The following TCTN1 variants were observed in gnomAD, a reference collection of about 807,000 sequenced individuals.
The protein encoded by TCTN1 is tectonic family member 1.
TCTN1 carries 58 observed loss-of-function variants against 65.8 expected under a neutral mutation model. That is an observed-to-expected ratio of 0.88 (90% CI 0.71 to 1.10). The LOEUF (loss-of-function observed/expected upper bound fraction) is 1.10. Ranked by LOEUF, TCTN1 falls within the 50% of genes least tolerant of loss-of-function variation. The probability of loss-of-function intolerance (pLI) is 0.00; values close to 1 mark genes in which losing one functional copy is unlikely to be tolerated. For synonymous variants in TCTN1, 273 were observed against 289.1 expected (o/e 0.94, Z 0.57); for missense variants, 645 against 719.4 (o/e 0.90, Z 1.18).
intron 1 of TCTN1, among the ~76,000 whole-genome samples, chr12:110,618,073 CTTTT>C (rs1177692303): frequency 2.2e-5 from 3 of 134,924 alleles, no homozygotes; most frequent in Admixed American, 7.4e-5. Flanking sequence ...GGCTTGAGAT[CTTTT>C]TTTTTTTTTT....
At position 110,634,521 on chromosome 12, in the gene TCTN1, A is replaced by C; in HGVS notation, c.713-149A>C. 4.3e-6 allele frequency: 3 copies of C among 702,856 alleles called. No individual in the cohort carries two copies. The South Asian group carries it at 5.0e-5, about 12-fold the overall frequency. 43.5% of individuals were successfully genotyped at this position (702,856 alleles called of 1,614,324 possible). Reference sequence around the variant, plus strand: ...GTGAAACCTTGTCTCTACTAAAAAAACAAAACAAACAACAACAAAATTGTA... The same window carrying C: ...GTGAAACCTTGTCTCTACTAAAAAACCAAAACAAACAACAACAAAATTGTA... On this transcript the variant is annotated intron_variant, in intron 5 of 14. Coordinates refer to ENST00000397659, the MANE Select transcript of TCTN1 (RefSeq NM_001082538.3).
Position 110,637,162 on chromosome 12 carries a change from C to T in TCTN1, c.843+661C>T, listed in dbSNP as rs370313566. Among the ~76,000 whole-genome samples, 7 of 152,336 alleles carry T rather than the reference C, an allele frequency of 4.6e-5. 1 individual carries two copies. The highest frequency in any genetic ancestry group is 1.7e-4 in the African/African-American group (7 of 41,586). ...TTCCCACCCTGTGGAACTGGCCAGCCTAGGTTCAAACCTCAGCTTTGCCAT... is the reference window on the plus strand; with the variant it reads ...TTCCCACCCTGTGGAACTGGCCAGCTTAGGTTCAAACCTCAGCTTTGCCAT... On this transcript the variant is annotated intron_variant, in intron 7 of 14. Transcript: ENST00000397659.
Position 110,647,256 on chromosome 12 carries a change from A to G in TCTN1, c.1555A>G (p.Thr519Ala). 6.2e-7 allele frequency: 1 copy of G among 1,614,186 alleles called. No individual in the cohort carries two copies. Among genetic ancestry groups the G allele is most frequent in the Non-Finnish European group, 8.5e-7 (1 of 1,180,028 alleles). Residue 519 changes from threonine to alanine, a missense_variant, in exon 13 of 15, where the codon ACT (threonine) becomes GCT (alanine). Thr to Ala is a moderately conservative substitution (Grantham distance 58). Transcript: ENST00000397659. ...GGCTTTGGTTATAGAAGTGAAGTGG[A>G]CTAAATACGGATCCCTGCTGAATCC... Reference protein sequence around the residue: ...PGALVIEVKWTKYGSLLNPQA... With the variant: ...PGALVIEVKWAKYGSLLNPQA...
At chr12:110,636,366 T>G in intron 6 of TCTN1, 115 bp from the exon 7 acceptor site, 1 of 717,814 alleles carries the variant, frequency 1.4e-6, no homozygotes, top group Non-Finnish European at 2.4e-6. Flanking sequence ...TGTTTTCTTC[T>G]TTGTGAAGCC....
chr12:110,645,376 A>G (rs537312149), intron 12 of TCTN1: 5 of 521,080 alleles, frequency 9.6e-6, no homozygotes, highest in Admixed American at 9.4e-5. Context: ...GAATGGCCTC[A>G]TGGGGCATTG....
At chr12:110,618,621 C>G (rs183514061) in intron 1 of TCTN1, among the ~76,000 whole-genome samples, 1 of 151,898 alleles carries the variant, frequency 6.6e-6, no homozygotes, top group South Asian at 2.1e-4. Flanking sequence ...GTGATCTGCC[C>G]GCCTCCCAAA....
At chr12:110,637,846 C>T (rs1027021154) in intron 7 of TCTN1, among the ~76,000 whole-genome samples, 12 of 152,250 alleles carry the variant, frequency 7.9e-5, no homozygotes, top group South Asian at 2.1e-4. Context: ...TTATTTCTAA[C>T]GCAGCGTCCA....
intron 2 of TCTN1, 121 bp downstream of exon 2, chr12:110,620,077 T>C: frequency 6.8e-7 from 1 of 1,460,088 alleles, no homozygotes; most frequent in Non-Finnish European, 9.5e-7. Flanking sequence ...TTTTACGTCG[T>C]TCTGAAGCCA....
chr12:110,628,285 C>A, intron 3 of TCTN1: 1 of 1,503,230 alleles, frequency 6.7e-7, no homozygotes, highest in Non-Finnish European at 8.9e-7. Flanking sequence ...TCTGGAGGTC[C>A]TGTTTGTTTA....
chr12:110,625,246 A>C (rs1257246737), intron 2 of TCTN1, among the ~76,000 whole-genome samples: 1 of 152,106 alleles, frequency 6.6e-6, no homozygotes, highest in Non-Finnish European at 1.5e-5. Context: ...ACTTGTCTCA[A>C]TTTTGTTTTT....
intron 5 of TCTN1, among the ~76,000 whole-genome samples, chr12:110,633,891 C>T (rs2066389752): frequency 6.6e-6 from 1 of 152,148 alleles, no homozygotes; most frequent in Non-Finnish European, 1.5e-5. Context: ...GTTCTACTTC[C>T]AGGAGTTGAT....
chr12:110,619,762 A>G, intron 1 of TCTN1, 74 bp from the exon 2 acceptor site: 1 of 1,607,832 alleles, frequency 6.2e-7, no homozygotes, highest in Non-Finnish European at 8.5e-7. Flanking sequence ...GACTTATGGT[A>G]CACTGTGGTG....
chr12:110,618,189 C>T (rs1206896491), intron 1 of TCTN1, among the ~76,000 whole-genome samples: 3 of 151,580 alleles, frequency 2.0e-5, no homozygotes, highest in African/African-American at 4.9e-5. Flanking sequence ...TCTCCTGCCT[C>T]AGCCTCCCTG....
At chr12:110,615,152 A>G (rs1047230251) in intron 1 of TCTN1, among the ~76,000 whole-genome samples, 1 of 152,058 alleles carries the variant, frequency 6.6e-6, no homozygotes, top group African/African-American at 2.4e-5. Context: ...ATAGCCGGGC[A>G]TGGTGTAATC....
rs1016577711 is a variant in TCTN1, at chr12:110,639,484, G to A, written c.844-899G>A. On this transcript the variant is annotated intron_variant, in intron 7 of 14. Transcript: ENST00000397659. This position sits in a 1 kb window ranked among gnomAD's most constrained non-coding sequence, Gnocchi z 4.9. ...TGTATGTGTGTGTGAGCGTGCTTGC[G>A]CTTGTATAGAAGTTGTGTATAAATT... Among the ~76,000 whole-genome samples, 2 of 151,828 alleles carry A rather than the reference G, an allele frequency of 1.3e-5. No homozygotes were observed. Among genetic ancestry groups the A allele is most frequent in the Admixed American group, 6.6e-5 (1 of 15,236 alleles).
chr12:110,634,875 T>C, intron 6 of TCTN1, 96 bp downstream of exon 6: 1 of 889,398 alleles, frequency 1.1e-6, no homozygotes, highest in Non-Finnish European at 1.8e-6. Flanking sequence ...TTTCAGTACA[T>C]GATTGACACT....
In TCTN1 at chr12:110,649,318, T is replaced by C. The variant is rs2067667586; in HGVS notation, c.*277T>C. The C allele has an allele frequency of 2.0e-6, 2 of 1,008,384 alleles. No homozygotes were observed. Among genetic ancestry groups the C allele is most frequent in the Non-Finnish European group, 3.1e-6 (2 of 649,186 alleles). The allele number at this position is 1,008,384 out of a possible 1,614,324, so 62.5% of individuals were successfully genotyped here. On this transcript the variant is annotated 3_prime_UTR_variant, in exon 15 of 15. Coordinates refer to ENST00000397659, the MANE Select transcript of TCTN1 (RefSeq NM_001082538.3). The stretch of plus-strand genomic sequence containing the variant: ...AGGCAGAGGTATCAAACCAAACCTC[T>C]CACCAAGCGGCCCAGGAGGGGCAGC...
intron 2 of TCTN1, among the ~76,000 whole-genome samples, chr12:110,622,424 G>T (rs767646899): frequency 6.6e-6 from 1 of 152,178 alleles, no homozygotes; most frequent in Non-Finnish European, 1.5e-5. Context: ...TTACCGTCGA[G>T]TAAGGGAGAC....
At position 110,644,207 on chromosome 12, in the gene TCTN1, A is replaced by T. The variant is rs991465477; in HGVS notation, c.1332-760A>T. On this transcript the variant is annotated intron_variant, in intron 11 of 14. Coordinates refer to ENST00000397659, the MANE Select transcript of TCTN1 (RefSeq NM_001082538.3). The surrounding 1 kb of genome is among the most constrained non-coding windows in gnomAD (Gnocchi z 4.6). ...GATGTGGAGGTTCAATGCTTCCCCA[A>T]CTTTGGCCATGAAACCCTTCTTGTA... The T allele has an allele frequency of 1.3e-5, 2 of 152,312 alleles. No individual in the cohort carries two copies. The highest frequency in any genetic ancestry group is 4.8e-5 in the African/African-American group (2 of 41,446). 9.4% of individuals were successfully genotyped at this position (152,312 alleles called of 1,614,324 possible). A position where few individuals can be genotyped will look rare whatever the true frequency, so the allele number is the denominator to read the frequency against.
Sources: allele counts gnomAD v4.1 joint callset (sites outside exome capture counted in the v4.1 genomes callset), GRCh38; gene constraint gnomAD v4.1.1; non-coding constraint Gnocchi (gnomAD v3.1); transcripts MANE v1.5; gene names NCBI Gene and HGNC (gene_info 2026-07-23, HGNC 2026-07-21).